Variants in MYO19 observed in about 807,000 individuals in gnomAD.
MYO19 encodes myosin XIX.
Under a neutral mutation model 129.2 loss-of-function variants are expected in MYO19, and 132 were observed. The observed-to-expected ratio is 1.02, with a 90% confidence interval of 0.89 to 1.18. MYO19 has a LOEUF of 1.18. MYO19 is among the 50% of genes most tolerant of loss of function. The pLI is 0.00. For synonymous variants in MYO19, 531 were observed against 477.2 expected, an observed-to-expected ratio of 1.11 and a Z score of -1.47; for missense variants, 1,210 against 1,216.7, an observed-to-expected ratio of 0.99 and a Z score of 0.08.
In MYO19 at chr17:36,512,873, C is replaced by T. The variant is rs371300904; in HGVS notation, c.894+556G>A. ...GTGTGACTGAGAGGAGCCCAGCTCA[C>T]CTGGGGCAGTCTCATGTTCCAGAGG... On this transcript the variant is annotated intron_variant, in intron 11 of 25. Coordinates refer to ENST00000614623, the MANE Select transcript of MYO19 (RefSeq NM_001163735.2). 7.1e-5 allele frequency: 83 copies of T among 1,171,096 alleles called. No homozygotes were observed. In the East Asian group the frequency reaches 2.6e-3, roughly 37 times the overall value. 72.5% of individuals were successfully genotyped at this position (1,171,096 alleles called of 1,614,324 possible).
chr17:36,512,619 G>T, intron 11 of MYO19: 1 of 1,286,606 alleles, frequency 7.8e-7, no homozygotes, highest in South Asian at 1.2e-5. Context: ...ACTTATCCTG[G>T]GCTTGTCCCC....
chr17:36,514,838 G>C (rs995235976), intron 8 of MYO19, among the ~76,000 whole-genome samples: 7 of 152,200 alleles, frequency 4.6e-5, no homozygotes. Flanking sequence ...GGTCCAAAGA[G>C]GTGGCAATTT....
At chr17:36,516,394 G>C (rs114735966) in intron 6 of MYO19, among the ~76,000 whole-genome samples, 1 of 151,784 alleles carries the variant, frequency 6.6e-6, no homozygotes, top group Non-Finnish European at 1.5e-5. Context: ...TTTCCGAGAC[G>C]GAGTCTCATC....
In MYO19 at chr17:36,495,749, C is replaced by CA; in HGVS notation, c.*501_*502insT. The CA allele has an allele frequency of 8.0e-7, 1 of 1,247,368 alleles. No individual in the cohort carries two copies. Among genetic ancestry groups the CA allele is most frequent in the Non-Finnish European group, 1.0e-6 (1 of 997,026 alleles). 77.3% of individuals were successfully genotyped at this position (1,247,368 alleles called of 1,614,324 possible). ...GTGTTAATAAAATCAAAACGTGATT[C>CA]TACTGTACATTGCATTATTCATAAT... On this transcript the variant is annotated 3_prime_UTR_variant, in exon 26 of 26. Transcript: ENST00000614623.
rs777646618 is a variant in MYO19, at chr17:36,500,812, G to A, written c.2377+18C>T. 5.0e-6 allele frequency: 8 copies of A among 1,594,962 alleles called. No homozygotes were observed. The East Asian group carries it at 1.8e-4, about 36-fold the overall frequency. ...GTGGGGTCTGTGAGCAGTGCTGACA[G>A]GTGACCTGCCCACCTACCTGCCTGG... On this transcript the variant is annotated intron_variant, in intron 23 of 25. Transcript: ENST00000614623.
chr17:36,536,536 T>TTC (rs2074130647), upstream of MYO19, among the ~76,000 whole-genome samples: 1 of 148,480 alleles, frequency 6.7e-6, no homozygotes, highest in Non-Finnish European at 1.5e-5. Context: ...TTTTTTTTTT[T>TTC]TTTTTTTGAG....
intron 22 of MYO19, 27 bp from the exon 23 acceptor site, chr17:36,500,986 C>A (rs1455414689): frequency 6.2e-7 from 1 of 1,607,218 alleles, no homozygotes; most frequent in Non-Finnish European, 8.5e-7. Context: ...CCATTGAGGG[C>A]AGCCTCTTCT....
chr17:36,506,345 G>T, intron 18 of MYO19, 111 bp downstream of exon 18: 1 of 1,354,168 alleles, frequency 7.4e-7, no homozygotes, highest in South Asian at 1.2e-5. Context: ...ACATCTACTT[G>T]ACTTGCCACT....
chr17:36,507,695 A>C (rs564582192), intron 15 of MYO19, 108 bp downstream of exon 15: 2 of 1,352,186 alleles, frequency 1.5e-6, no homozygotes, highest in African/African-American at 3.0e-5. Flanking sequence ...AAAATAAAAT[A>C]AGAAGGAACA....
At chr17:36,506,808 G>C (rs1240468904) in intron 17 of MYO19, 155 bp downstream of exon 17, 1 of 1,114,058 alleles carries the variant, frequency 9.0e-7, no homozygotes, top group Non-Finnish European at 1.2e-6. Flanking sequence ...TTGATTAGTG[G>C]AGACCTCAGA....
rs2072489350 is a variant in MYO19 at position 36,513,223 on chromosome 17, A to G, written c.894+206T>C. On this transcript the variant is annotated intron_variant, in intron 11 of 25. Transcript: ENST00000614623. ...TTCTGTACTCTAGCACTGTGTATGC[A>G]TCACTCTTCCTTATGCCCCGTCCAC... 14 of 1,447,966 alleles carry G rather than the reference A, an allele frequency of 9.7e-6. No homozygotes were observed. In the South Asian group the frequency reaches 1.9e-4, roughly 20 times the overall value. 89.7% of individuals were successfully genotyped at this position (1,447,966 alleles called of 1,614,324 possible).
chr17:36,511,287 T>A, intron 12 of MYO19, 78 bp downstream of exon 12: 3 of 1,466,206 alleles, frequency 2.0e-6, no homozygotes, highest in Non-Finnish European at 2.8e-6. Context: ...ATTTTCACCA[T>A]CCAGCCTTCC....
intron 16 of MYO19, 120 bp from the exon 17 acceptor site, chr17:36,507,259 A>G: frequency 1.4e-6 from 2 of 1,461,868 alleles, no homozygotes; most frequent in Non-Finnish European, 1.9e-6. Flanking sequence ...AGTGTCCCCA[A>G]CAGAAAAAAT....
At position 36,504,023 on chromosome 17, in the gene MYO19, G is replaced by T; in HGVS notation, c.1906-3C>A. 1 of 1,565,938 alleles carries T rather than the reference G, an allele frequency of 6.4e-7. No homozygotes were observed. ...CAGGCCTCCAGCTGGCTCAGGACCT[G>T]CAAGGGTGGGGAGACAGGGCAGGCA... On this transcript the variant is annotated splice_region_variant and splice_polypyrimidine_tract_variant and intron_variant, in intron 19 of 25. Transcript: ENST00000614623.
Position 36,514,459 on chromosome 17 carries a change from TG to T in MYO19, c.706del (p.His236ThrfsTer36), listed in dbSNP as rs1459096393. 1 of 1,611,728 alleles carries T rather than the reference TG, an allele frequency of 6.2e-7. No homozygotes were observed. Among genetic ancestry groups the T allele is most frequent in the African/African-American group, 1.3e-5 (1 of 75,002 alleles). Reference protein sequence around the residue: ...ACQASSERNFHIFYQICKGAS... With the variant: ...ACQASSERNFXIFYQICKGAS... ...TTTGGCACAAACCTGATAGAAGATG[TG>T]GAAGTTCCTCTCACTGGAAGCCTGG... On this transcript the variant is annotated frameshift_variant, in exon 9 of 26. Coordinates refer to ENST00000614623, the MANE Select transcript of MYO19 (RefSeq NM_001163735.2). LOFTEE classifies it high-confidence loss of function.
At chr17:36,504,477 T>A (rs961662723) in intron 19 of MYO19, 2 of 158,964 alleles carry the variant, frequency 1.3e-5, no homozygotes, top group Admixed American at 6.2e-5. Flanking sequence ...TGAGTTGTCC[T>A]GGCTACAAAC....
rs1422560786 is a variant in MYO19 at position 36,518,542 on chromosome 17, ATATATATATATG to A, written c.415-2564_415-2553del. Among the ~76,000 whole-genome samples, 40 of 105,818 alleles carry A rather than the reference ATATATATATATG, an allele frequency of 3.8e-4. 1 individual carries two copies. The highest frequency in any genetic ancestry group is 6.2e-4 in the African/African-American group (17 of 27,440). The allele number at this position is 105,818 out of a possible 152,430, so 69.4% of individuals were successfully genotyped here. A position where few individuals can be genotyped will look rare whatever the true frequency, so the allele number is the denominator to read the frequency against. ...AAAAAAAAAAAATATATATATATAT[ATATATATATATG>A]TGTATGTGTATATATATGTATATAC... On this transcript the variant is annotated intron_variant, in intron 6 of 25. Transcript: ENST00000614623.
intron 11 of MYO19, chr17:36,512,565 T>C (rs2072434150): frequency 2.1e-5 from 25 of 1,206,718 alleles, no homozygotes; most frequent in Non-Finnish European, 2.7e-5. Flanking sequence ...CAGAGGGTCA[T>C]GCCCACCCCC....
intron 13 of MYO19, chr17:36,509,562 C>A: frequency 4.4e-6 from 1 of 229,082 alleles, no homozygotes; most frequent in Non-Finnish European, 8.8e-6. Flanking sequence ...AAGGCCCCAC[C>A]ATACCCCCTG....
Sources: allele counts gnomAD v4.1 joint callset (sites outside exome capture counted in the v4.1 genomes callset), GRCh38; gene constraint gnomAD v4.1.1; transcripts MANE v1.5; gene names NCBI Gene and HGNC (gene_info 2026-07-23, HGNC 2026-07-21).